The following PRKAG3 variants were observed in gnomAD, a reference collection of about 807,000 sequenced individuals.
PRKAG3 encodes protein kinase AMP-activated non-catalytic subunit gamma 3, also known as 5'-AMP-activated protein kinase subunit gamma-3.
A neutral mutation model predicts 56.5 loss-of-function variants in PRKAG3; 39 were observed. The ratio of observed to expected loss-of-function variants is 0.69; its 90% CI spans 0.53 to 0.90. PRKAG3 has a LOEUF of 0.90. PRKAG3 is among the 40% of genes least tolerant of loss of function. The probability of loss-of-function intolerance (pLI) is 0.00; values close to 1 mark genes in which losing one functional copy is unlikely to be tolerated. For missense variants in PRKAG3, 628 were observed against 627.5 expected (o/e 1.00, Z -0.01); for synonymous variants, 243 against 250.1 (o/e 0.97, Z 0.27).
exon 3 of PRKAG3, chr2:218,830,752 C>T: frequency 1.2e-6 from 2 of 1,612,378 alleles, no homozygotes; most frequent in Non-Finnish European, 1.7e-6. Context: ...TCACCTTCCC[C>T]CTGACCTGGT....
At chr2:218,822,823 G>A, downstream of PRKAG3, 1 of 931,704 alleles carries the variant, frequency 1.1e-6, no homozygotes, top group East Asian at 1.2e-4. Context: ...GAAGCCATAG[G>A]TAGCCCAGAA....
chr2:218,824,486 A>G, intron 11 of PRKAG3, 53 bp downstream of exon 11: 1 of 1,560,536 alleles, frequency 6.4e-7, no homozygotes, highest in South Asian at 1.1e-5. Flanking sequence ...CCCCCCACCC[A>G]TCCCCACACC....
rs1257096065 is a variant in PRKAG3, at chr2:218,827,426, C to T, written c.876-53G>A. ...GGGCAGCCTAGGGAGAGACAACCTC[C>T]ATCCCAGGCCCCTAAAAAGGAGGGC... On this transcript the variant is annotated intron_variant, in intron 8 of 12. Coordinates refer to ENST00000529249, the Ensembl canonical transcript of PRKAG3. This position sits in a 1 kb window ranked among gnomAD's most constrained non-coding sequence, Gnocchi z 5.3. 2 of 1,612,886 alleles carry T rather than the reference C, an allele frequency of 1.2e-6. No individual in the cohort carries two copies. Among genetic ancestry groups the T allele is most frequent in the Non-Finnish European group, 1.7e-6 (2 of 1,179,104 alleles).
chr2:218,830,503 G>T, intron 3 of PRKAG3, 122 bp from the exon 4 acceptor site: 1 of 1,337,946 alleles, frequency 7.5e-7, no homozygotes, highest in Non-Finnish European at 1.0e-6. Context: ...CTATTTGCAG[G>T]TGAGGGGCTG....
At chr2:218,831,057 T>G (rs1944012451) in intron 2 of PRKAG3, among the ~76,000 whole-genome samples, 156 bp from the exon 3 acceptor site, 1 of 152,220 alleles carries the variant, frequency 6.6e-6, no homozygotes, top group Non-Finnish European at 1.5e-5. Flanking sequence ...AAAGCAGGCA[T>G]TATTATCATC....
chr2:218,831,592 C>T (rs537673381), intron 1 of PRKAG3, 146 bp downstream of exon 1: 51 of 1,155,170 alleles, frequency 4.4e-5, no homozygotes, highest in Middle Eastern at 1.9e-4. Context: ...TACATATGCC[C>T]AAACATGCAC....
At position 218,827,214 on chromosome 2, in the gene PRKAG3, C is replaced by G; in HGVS notation, c.1002+33G>C. 2 of 1,614,014 alleles carry G rather than the reference C, an allele frequency of 1.2e-6. No individual in the cohort carries two copies. Among genetic ancestry groups the G allele is most frequent in the South Asian group, 2.2e-5 (2 of 91,026 alleles). On this transcript the variant is annotated intron_variant, in intron 9 of 12. Coordinates refer to ENST00000529249, the Ensembl canonical transcript of PRKAG3. The surrounding 1 kb of genome is among the most constrained non-coding windows in gnomAD (Gnocchi z 5.3). ...AGGCCCTCTGATCACCTGCCCAGGT[C>G]TCCCCCTTCCTCCCACCTGGGCCCA... is the stretch of plus-strand genomic sequence containing the variant.
At chr2:218,825,972 G>T (rs1486724888) in intron 10 of PRKAG3, among the ~76,000 whole-genome samples, 1 of 151,958 alleles carries the variant, frequency 6.6e-6, no homozygotes, top group Non-Finnish European at 1.5e-5. Context: ...TATTGGCCAG[G>T]ATAGTCTCGA....
intron 4 of PRKAG3, among the ~76,000 whole-genome samples, chr2:218,829,115 A>G (rs1414421588): frequency 6.6e-6 from 1 of 152,192 alleles, no homozygotes; most frequent in African/African-American, 2.4e-5. Flanking sequence ...TGAAATAGAC[A>G]TATTTTTTCA....
intron 5 of PRKAG3, 138 bp downstream of exon 5, chr2:218,828,381 C>T (rs2105988288): frequency 5.2e-6 from 5 of 955,434 alleles, no homozygotes; most frequent in Non-Finnish European, 7.7e-6. Context: ...TCCGGATGGA[C>T]TTTCCTCCAC....
intron 1 of PRKAG3, 72 bp from the exon 2 acceptor site, chr2:218,831,447 A>C: frequency 7.4e-7 from 1 of 1,354,788 alleles, no homozygotes; most frequent in Non-Finnish European, 1.0e-6. Flanking sequence ...CCCTGAACAC[A>C]CGCCTACACA....
downstream of PRKAG3, chr2:218,822,467 AG>A (rs1385495171): frequency 6.6e-6 from 1 of 152,242 alleles, no homozygotes. Context: ...CCACAAGTTC[AG>A]GTCAAATGAC....
In PRKAG3 at chr2:218,824,534, C is replaced by A. The variant is rs1210846766; in HGVS notation, c.1206+5G>T. The A allele has an allele frequency of 6.2e-7, 1 of 1,612,610 alleles. No individual in the cohort carries two copies. Among genetic ancestry groups the A allele is most frequent in the South Asian group, 1.1e-5 (1 of 91,048 alleles). On this transcript the variant is annotated splice_donor_5th_base_variant and intron_variant, in intron 11 of 12. Coordinates refer to ENST00000529249, the Ensembl canonical transcript of PRKAG3. ...GCAGCATCCCACCTTTCCAGCGACA[C>A]TTACAATCACATCAAAGCGGGAATA...
At chr2:218,825,710 T>A (rs1943922122) in intron 10 of PRKAG3, among the ~76,000 whole-genome samples, 1 of 151,634 alleles carries the variant, frequency 6.6e-6, no homozygotes, top group Non-Finnish European at 1.5e-5. Context: ...AAGGATTGGA[T>A]GTCAGACAAT....
chr2:218,827,950 C>T lies in PRKAG3; in HGVS notation c.774+54G>A. 2 of 1,600,474 alleles carry T rather than the reference C, an allele frequency of 1.2e-6. No homozygotes were observed. The highest frequency in any genetic ancestry group is 2.2e-5 in the East Asian group (1 of 44,652). On this transcript the variant is annotated intron_variant, in intron 6 of 12. Transcript: ENST00000529249. This position sits in a 1 kb window ranked among gnomAD's most constrained non-coding sequence, Gnocchi z 5.3. ...TAGGGCACCAGGCTCCAGGAGGACTCCCCTCCGCCCCCGCCCCTCTGGGTG... is the reference window on the plus strand; with the variant it reads ...TAGGGCACCAGGCTCCAGGAGGACTTCCCTCCGCCCCCGCCCCTCTGGGTG...
At chr2:218,823,540 G>T in exon 13 of PRKAG3, 1 of 844,134 alleles carries the variant, frequency 1.2e-6, no homozygotes, top group Non-Finnish European at 1.8e-6. Context: ...TCACAGGGCT[G>T]CTCAGCTTTG....
rs769527858 is a variant in PRKAG3 at position 218,827,542 on chromosome 2, A to G, written c.875+33T>C. On this transcript the variant is annotated intron_variant, in intron 8 of 12. Transcript: ENST00000529249. This position sits in a 1 kb window ranked among gnomAD's most constrained non-coding sequence, Gnocchi z 5.3. ...GACTGGGGAAGGGGACTGTGGGAGG[A>G]GGAGGCTCAGGTGAATGAGCAGAGA... The G allele has an allele frequency of 6.2e-7, 1 of 1,609,500 alleles. No individual in the cohort carries two copies. The highest frequency in any genetic ancestry group is 8.5e-7 in the Non-Finnish European group (1 of 1,175,920).
exon 12 of PRKAG3, chr2:218,824,248 C>G: frequency 6.2e-7 from 1 of 1,614,166 alleles, no homozygotes. Context: ...CTGTCGATCA[C>G]TTCCCCCAAG....
exon 12 of PRKAG3, chr2:218,824,265 T>C (rs748285903): frequency 1.2e-6 from 2 of 1,614,090 alleles, no homozygotes. Flanking sequence ...CAAGCTCTCG[T>C]GGGGCTGGCA....
Sources: allele counts gnomAD v4.1 joint callset (sites outside exome capture counted in the v4.1 genomes callset), GRCh38; gene constraint gnomAD v4.1.1; non-coding constraint Gnocchi (gnomAD v3.1); transcripts MANE v1.5; gene names NCBI Gene and HGNC (gene_info 2026-07-23, HGNC 2026-07-21).